The following CHD7 variants were observed in gnomAD, a reference collection of about 807,000 sequenced individuals.
CHD7 encodes the protein chromodomain helicase DNA binding protein 7.
In CHD7, 24 loss-of-function variants were observed where a neutral mutation model predicts 307.3. The observed-to-expected ratio is 0.08, with a 90% CI of 0.06 to 0.11. The LOEUF is 0.11. Among genes scored for constraint, CHD7 ranks in the 10% least tolerant of loss-of-function variants. The pLI is 1.00. For synonymous variants in CHD7, 1,363 were observed against 1,349.9 expected (o/e 1.01, Z -0.21); for missense variants, 3,106 against 3,727.1 (o/e 0.83, Z 4.34).
At position 60,853,314 on chromosome 8, in the gene CHD7, G is replaced by T; in HGVS notation, c.6589G>T (p.Asp2197Tyr). The T allele has an allele frequency of 6.2e-7, 1 of 1,603,226 alleles. No individual in the cohort carries two copies. Among genetic ancestry groups the T allele is most frequent in the African/African-American group, 1.3e-5 (1 of 74,430 alleles). Residue 2197 changes from aspartate to tyrosine, a missense_variant, in exon 31 of 38, where the codon GAT becomes TAT. Transcript: ENST00000423902. ...CEGKEEEEET[D>Y]GSGKESKQEC... The stretch of plus-strand genomic sequence containing the variant: ...GGGCAAAGAAGAGGAAGAAGAAACC[G>T]ATGGCAGCGGGAAGGAGAGCAAGCA...
At chr8:60,760,235 G>A (rs545191584) in intron 2 of CHD7, among the ~76,000 whole-genome samples, 1 of 152,282 alleles carries the variant, frequency 6.6e-6, no homozygotes, top group East Asian at 1.9e-4. Flanking sequence ...GTACTTTATA[G>A]ACCTTAAAAA....
intron 1 of CHD7, among the ~76,000 whole-genome samples, chr8:60,713,680 A>AG (rs1000692896): frequency 1.3e-5 from 2 of 152,046 alleles, no homozygotes; most frequent in Non-Finnish European, 2.9e-5. Context: ...GGTTTGGAGG[A>AG]GGTGGTGGGC....
chr8:60,772,058 T>G (rs1810739136), intron 2 of CHD7, among the ~76,000 whole-genome samples: 1 of 152,184 alleles, frequency 6.6e-6, no homozygotes, highest in Non-Finnish European at 1.5e-5. Flanking sequence ...AATGGGGCCA[T>G]CTTGGAATTC....
intron 34 of CHD7, among the ~76,000 whole-genome samples, chr8:60,860,283 T>C (rs778573400): frequency 6.6e-6 from 1 of 152,214 alleles, no homozygotes; most frequent in Non-Finnish European, 1.5e-5. Context: ...AGGCCGCCTT[T>C]CATGCATATC....
intron 2 of CHD7, among the ~76,000 whole-genome samples, chr8:60,755,838 T>C (rs949685769): frequency 6.6e-6 from 1 of 152,192 alleles, no homozygotes; most frequent in Non-Finnish European, 1.5e-5. Context: ...AGAAAGTATC[T>C]AGGATTTTCC....
intron 1 of CHD7, among the ~76,000 whole-genome samples, chr8:60,712,667 A>T (rs1163853756): frequency 6.6e-6 from 1 of 152,222 alleles, no homozygotes; most frequent in Non-Finnish European, 1.5e-5. Flanking sequence ...CTGTAATGCC[A>T]GCACTTTGGG....
intron 8 of CHD7, among the ~76,000 whole-genome samples, chr8:60,819,023 G>A (rs1005636309): frequency 5.3e-5 from 8 of 152,044 alleles, no homozygotes; most frequent in African/African-American, 1.7e-4. Context: ...GTGCGATCTC[G>A]GCTCACTGCA....
At chr8:60,737,756 A>G (rs1762900890) in intron 1 of CHD7, among the ~76,000 whole-genome samples, 1 of 152,234 alleles carries the variant, frequency 6.6e-6, no homozygotes, top group Non-Finnish European at 1.5e-5. Flanking sequence ...ATTTAGTTAG[A>G]CTATTCCTCA....
chr8:60,771,468 T>C (rs902547355), intron 2 of CHD7, among the ~76,000 whole-genome samples: 1 of 152,228 alleles, frequency 6.6e-6, no homozygotes, highest in Admixed American at 6.5e-5. Flanking sequence ...ACTCATTAAG[T>C]TTCAGATTTC....
chr8:60,778,295 C>T (rs931214771), intron 2 of CHD7, among the ~76,000 whole-genome samples: 3 of 152,148 alleles, frequency 2.0e-5, no homozygotes, highest in African/African-American at 4.8e-5. Flanking sequence ...CTTTTTCACC[C>T]TATTTCAGAT....
intron 3 of CHD7, among the ~76,000 whole-genome samples, chr8:60,781,797 G>C (rs1811249144): frequency 6.6e-6 from 1 of 152,184 alleles, no homozygotes; most frequent in African/African-American, 2.4e-5. Flanking sequence ...GATTATAGAA[G>C]AAAGGTCACT....
intron 1 of CHD7, among the ~76,000 whole-genome samples, chr8:60,712,434 C>G (rs1437231638): frequency 6.6e-6 from 1 of 152,102 alleles, no homozygotes; most frequent in Non-Finnish European, 1.5e-5. Context: ...ACAGCAGAAC[C>G]TTTCTAACAT....
At position 60,742,497 on chromosome 8, in the gene CHD7, A is replaced by T. The variant is rs1230314107; in HGVS notation, c.1065A>T (p.Ser355=). The change falls in exon 2 of 38, where the codon TCA becomes TCT. Residue 355 remains serine (S), a synonymous_variant. Coordinates refer to ENST00000423902, the MANE Select transcript of CHD7 (RefSeq NM_017780.4). ...ACCCCAATGCTGTAGGATTCCCATC[A>T]AACAGTGGTCAAGGACTAATGCACC... ...PRYPNAVGFP[S]NSGQGLMHQQ... The T allele has an allele frequency of 6.2e-7, 1 of 1,614,030 alleles. No homozygotes were observed. Among genetic ancestry groups the T allele is most frequent in the Non-Finnish European group, 8.5e-7 (1 of 1,179,880 alleles).
intron 6 of CHD7, among the ~76,000 whole-genome samples, chr8:60,803,301 T>C (rs1563614270): frequency 6.6e-6 from 1 of 152,186 alleles, no homozygotes; most frequent in Non-Finnish European, 1.5e-5. Flanking sequence ...ACTCAGCAGG[T>C]TTAGGGGTTG....
intron 2 of CHD7, among the ~76,000 whole-genome samples, chr8:60,779,225 G>T (rs893020572): frequency 2.6e-4 from 40 of 152,300 alleles, no homozygotes; most frequent in African/African-American, 9.6e-4. Context: ...TGGGTGAAGT[G>T]ATTTTTTCCC....
intron 2 of CHD7, among the ~76,000 whole-genome samples, chr8:60,771,676 G>T (rs1280133870): frequency 1.2e-4 from 1 of 8,156 alleles, no homozygotes; most frequent in East Asian, 0.045. Context: ...TGACTGGGGA[G>T]TCTTGACTGG....
At chr8:60,801,472 A>T (rs990381747) in intron 5 of CHD7, 56 bp from the exon 6 acceptor site, 2 of 1,310,608 alleles carry the variant, frequency 1.5e-6, no homozygotes, top group Non-Finnish European at 1.1e-6. Flanking sequence ...TCTTGCTCTT[A>T]TAGCTTAGGA....
intron 6 of CHD7, among the ~76,000 whole-genome samples, chr8:60,802,047 A>G (rs754331192): frequency 1.3e-4 from 20 of 152,174 alleles, no homozygotes; most frequent in Non-Finnish European, 2.5e-4. Flanking sequence ...TGAATTATTC[A>G]TTAGTGTCTT....
chr8:60,774,578 C>A (rs931833924), intron 2 of CHD7, among the ~76,000 whole-genome samples: 2 of 152,180 alleles, frequency 1.3e-5, no homozygotes, highest in Non-Finnish European at 1.5e-5. Context: ...CCCATTGGTA[C>A]CCCTGGGCCT....
Sources: gnomAD v4.1 joint callset for allele counts (sites outside exome capture counted in the v4.1 genomes callset) on GRCh38, gnomAD v4.1.1 for gene constraint, MANE v1.5 for transcripts, NCBI Gene and HGNC (gene_info 2026-07-23, HGNC 2026-07-21) for gene names.